ATP8A2: variants seen among roughly 807,000 people sequenced by gnomAD.
ATP8A2 encodes ATPase phospholipid transporting 8A2, also known as phospholipid-transporting ATPase IB.
In ATP8A2, 100 loss-of-function variants were observed where a neutral mutation model predicts 165.6. That is an observed-to-expected ratio of 0.60 (90% CI 0.51 to 0.71). ATP8A2 has a LOEUF of 0.71. Ranked by LOEUF, ATP8A2 falls within the 30% of genes least tolerant of loss-of-function variation. ATP8A2 has a pLI of 0.00. For missense variants in ATP8A2, 1,227 were observed against 1,479.5 expected (o/e 0.83, Z 2.80); for synonymous variants, 543 against 548.8 (o/e 0.99, Z 0.15).
chr13:25,524,750 T>TAC (rs2037781495), intron 2 of ATP8A2, among the ~76,000 whole-genome samples: 2 of 152,080 alleles, frequency 1.3e-5, no homozygotes, highest in African/African-American at 4.8e-5. Flanking sequence ...AGCATATAGC[T>TAC]GAGTCTTGTT....
chr13:25,531,204 A>T (rs57828374), intron 4 of ATP8A2, among the ~76,000 whole-genome samples: 2 of 134,738 alleles, frequency 1.5e-5, no homozygotes, highest in Non-Finnish European at 3.1e-5. Context: ...GTTATATATG[A>T]TATATGTTAT....
intron 25 of ATP8A2, among the ~76,000 whole-genome samples, chr13:25,701,640 C>T (rs1018161582): frequency 4.0e-5 from 6 of 151,416 alleles, no homozygotes; most frequent in African/African-American, 7.3e-5. Flanking sequence ...AAAATGAGTC[C>T]GTTGGATTCT....
chr13:25,818,784 ACTGTGTGCCCAC>A (rs1951089275), intron 27 of ATP8A2, among the ~76,000 whole-genome samples: 1 of 152,150 alleles, frequency 6.6e-6, no homozygotes, highest in South Asian at 2.1e-4. Context: ...TTGAGCACCT[ACTGTGTGCCCAC>A]CTGTGTGCTA....
intron 1 of ATP8A2, among the ~76,000 whole-genome samples, chr13:25,444,636 T>G (rs980966481): frequency 3.1e-5 from 4 of 130,008 alleles, no homozygotes; most frequent in South Asian, 2.3e-4. Context: ...CAAGCATCTG[T>G]TTTTTTTTTT....
At position 25,656,067 on chromosome 13, in the gene ATP8A2, C is replaced by A. The variant is rs893806760; in HGVS notation, c.2212-43106C>A. 3.9e-5 allele frequency among the ~76,000 whole-genome samples: 6 copies of A among 152,256 alleles called. No homozygotes were observed. The East Asian group carries it at 9.7e-4, about 25-fold the overall frequency. ...CCCAGTGCCTGGTTGAATCTGACTCCCCCTGTGTAACCTTGGACCCATCGC... is the reference window on the plus strand; with the variant it reads ...CCCAGTGCCTGGTTGAATCTGACTCACCCTGTGTAACCTTGGACCCATCGC... On this transcript the variant is annotated intron_variant, in intron 24 of 36. Transcript: ENST00000381655.
intron 24 of ATP8A2, among the ~76,000 whole-genome samples, chr13:25,596,233 C>T (rs1387749024): frequency 1.3e-5 from 2 of 152,124 alleles, no homozygotes; most frequent in African/African-American, 4.8e-5. Flanking sequence ...GCTTGATCTG[C>T]CACAGACTTG....
intron 27 of ATP8A2, among the ~76,000 whole-genome samples, chr13:25,824,742 C>T (rs565941584): frequency 3.3e-5 from 5 of 152,184 alleles, no homozygotes; most frequent in Non-Finnish European, 7.4e-5. Flanking sequence ...TTGAAACTTA[C>T]TTGATCAGTG....
At chr13:25,578,668 C>A in intron 20 of ATP8A2, 147 bp from the exon 21 acceptor site, 1 of 675,496 alleles carries the variant, frequency 1.5e-6, no homozygotes. Context: ...AAAGCTCATG[C>A]CTGAGCCCAG....
At chr13:25,984,057 A>G (rs1956223280) in intron 35 of ATP8A2, among the ~76,000 whole-genome samples, 1 of 151,618 alleles carries the variant, frequency 6.6e-6, no homozygotes, top group Non-Finnish European at 1.5e-5. Flanking sequence ...ACATAACGAG[A>G]CCCCCGTCAC....
intron 33 of ATP8A2, among the ~76,000 whole-genome samples, chr13:25,900,213 C>T (rs1326967731): frequency 6.6e-6 from 1 of 152,096 alleles, no homozygotes; most frequent in Non-Finnish European, 1.5e-5. Context: ...TAGGAGGAGT[C>T]ATGAATATTT....
chr13:25,977,026 T>TCCACCCCCCCCCCCCCCC (rs1555299943), intron 35 of ATP8A2, among the ~76,000 whole-genome samples: 2 of 125,438 alleles, frequency 1.6e-5, no homozygotes, highest in Admixed American at 8.6e-5. Flanking sequence ...GACCTTGTGA[T>TCCACCCCCCCCCCCCCCC]CCACCCCCAC....
At chr13:25,882,190 C>T (rs1052208023) in intron 33 of ATP8A2, among the ~76,000 whole-genome samples, 8 of 152,182 alleles carry the variant, frequency 5.3e-5, no homozygotes, top group South Asian at 2.1e-4. Context: ...TCTGCAACCA[C>T]GAGATAATGA....
At chr13:25,670,061 C>T (rs1378649060) in intron 24 of ATP8A2, among the ~76,000 whole-genome samples, 1 of 152,220 alleles carries the variant, frequency 6.6e-6, no homozygotes, top group African/African-American at 2.4e-5. Context: ...CCAGCGCTTT[C>T]TTACTCAAAT....
chr13:25,711,294 C>T (rs528042643), intron 25 of ATP8A2, among the ~76,000 whole-genome samples: 48 of 152,246 alleles, frequency 3.2e-4, no homozygotes, highest in Admixed American at 1.3e-3. Flanking sequence ...CGTGAGCTAC[C>T]GCGCCTGGCC....
At chr13:26,008,632 C>A (rs868470405) in intron 35 of ATP8A2, among the ~76,000 whole-genome samples, 1 of 152,100 alleles carries the variant, frequency 6.6e-6, no homozygotes, top group South Asian at 2.1e-4. Context: ...AAAAACAAAC[C>A]TATAACCAGT....
intron 24 of ATP8A2, among the ~76,000 whole-genome samples, chr13:25,644,175 T>G (rs2041610967): frequency 6.6e-6 from 1 of 152,122 alleles, no homozygotes; most frequent in Non-Finnish European, 1.5e-5. Context: ...TAAGATCATG[T>G]TGTCAGCAGT....
chr13:25,768,171 T>G (rs1021552319), intron 25 of ATP8A2, among the ~76,000 whole-genome samples: 2 of 152,008 alleles, frequency 1.3e-5, no homozygotes, highest in African/African-American at 2.4e-5. Context: ...CAATTCAGAA[T>G]GTAGAGTCAC....
At chr13:25,584,998 A>G (rs994235265) in intron 23 of ATP8A2, among the ~76,000 whole-genome samples, 2 of 152,020 alleles carry the variant, frequency 1.3e-5, no homozygotes, top group Non-Finnish European at 2.9e-5. Flanking sequence ...ATATATATCT[A>G]TCTCGTAGTT....
At chr13:25,848,525 C>T (rs1382101820) in intron 30 of ATP8A2, among the ~76,000 whole-genome samples, 2 of 152,170 alleles carry the variant, frequency 1.3e-5, no homozygotes, top group Non-Finnish European at 2.9e-5. Context: ...TACTTTGCGT[C>T]ATTTTTACTT....
Sources: gnomAD v4.1 joint callset for allele counts (sites outside exome capture counted in the v4.1 genomes callset) on GRCh38, gnomAD v4.1.1 for gene constraint, MANE v1.5 for transcripts, NCBI Gene and HGNC (gene_info 2026-07-23, HGNC 2026-07-21) for gene names.